EPHB2: variants seen among roughly 807,000 people sequenced by gnomAD.
EPHB2 encodes ephrin type-B receptor 2.
In EPHB2, 18 loss-of-function variants were observed where a neutral mutation model predicts 96.4. That is an observed-to-expected ratio of 0.19 (90% confidence interval 0.13 to 0.28). EPHB2 has a LOEUF of 0.28. Among genes scored for constraint, EPHB2 ranks in the 10% least tolerant of loss-of-function variants. EPHB2 has a pLI of 1.00. For synonymous variants in EPHB2, 506 were observed against 534.1 expected, an observed-to-expected ratio of 0.95 and a Z score of 0.72; for missense variants, 989 against 1,355.4, an observed-to-expected ratio of 0.73 and a Z score of 4.25.
intron 6 of EPHB2, among the ~76,000 whole-genome samples, chr1:22,887,407 A>G (rs1023414423): frequency 6.6e-6 from 1 of 152,144 alleles, no homozygotes; most frequent in Non-Finnish European, 1.5e-5. Flanking sequence ...CTTCCTAGGA[A>G]GGGAAGTCAG....
intron 1 of EPHB2, among the ~76,000 whole-genome samples, chr1:22,761,758 C>T (rs552124163): frequency 2.0e-5 from 3 of 152,210 alleles, no homozygotes; most frequent in Non-Finnish European, 2.9e-5. Flanking sequence ...GAAGCCTCCT[C>T]CCCGGCTCAT....
chr1:22,840,867 C>A (rs1645457335), intron 3 of EPHB2, among the ~76,000 whole-genome samples: 1 of 152,186 alleles, frequency 6.6e-6, no homozygotes. Flanking sequence ...CCCACAACAA[C>A]CCCCTGTGTT....
chr1:22,910,615 C>T (rs1389831281), intron 14 of EPHB2, 40 bp downstream of exon 14: 1 of 1,608,588 alleles, frequency 6.2e-7, no homozygotes, highest in Admixed American at 1.7e-5. Context: ...CAGGCCCTGC[C>T]CCTCTTCCCG....
chr1:22,840,943 C>G lies in EPHB2; in HGVS notation c.812-22094C>G, dbSNP rs79546409. On this transcript the variant is annotated intron_variant, in intron 3 of 15. Transcript: ENST00000374630. ...AGGCACAGAAAGATACCCAAAGTCT[C>G]ACAGCCAGGAAGTGGTCTGACTCCC... is the stretch of plus-strand genomic sequence containing the variant. Among the ~76,000 whole-genome samples, 381 of 152,324 alleles carry G rather than the reference C, an allele frequency of 2.5e-3. 1 individual carries two copies. The highest frequency in any genetic ancestry group is 0.01 in the Middle Eastern group (3 of 294).
intron 8 of EPHB2, 33 bp from the exon 9 acceptor site, chr1:22,896,381 G>C (rs779538338): frequency 1.9e-6 from 3 of 1,613,874 alleles, no homozygotes; most frequent in Non-Finnish European, 2.5e-6. Flanking sequence ...GGCGCCTTCA[G>C]GTGGCTCCAG....
chr1:22,881,808 G>A (rs1385888342), intron 5 of EPHB2, among the ~76,000 whole-genome samples: 1 of 152,074 alleles, frequency 6.6e-6, no homozygotes, highest in African/African-American at 2.4e-5. Flanking sequence ...GGCAAGGCTG[G>A]TCTTGAACTC....
chr1:22,741,089 CGTTTTCCTAT>C (rs1365047495), intron 1 of EPHB2, among the ~76,000 whole-genome samples: 1 of 152,072 alleles, frequency 6.6e-6, no homozygotes, highest in Non-Finnish European at 1.5e-5. Context: ...ATGCAGGTCC[CGTTTTCCTAT>C]GGGGCACTGG....
At chr1:22,759,838 C>G (rs1250231501) in intron 1 of EPHB2, among the ~76,000 whole-genome samples, 1 of 152,178 alleles carries the variant, frequency 6.6e-6, no homozygotes, top group African/African-American at 2.4e-5. Flanking sequence ...TGGAGGGATT[C>G]TCTCACCACA....
chr1:22,777,860 C>T (rs913275635), intron 1 of EPHB2, among the ~76,000 whole-genome samples: 3 of 152,158 alleles, frequency 2.0e-5, no homozygotes, highest in African/African-American at 2.4e-5. Context: ...GCACTGCACA[C>T]CATCTAAAAA....
At chr1:22,759,530 A>G (rs1644205616) in intron 1 of EPHB2, among the ~76,000 whole-genome samples, 2 of 152,058 alleles carry the variant, frequency 1.3e-5, no homozygotes, top group Admixed American at 1.3e-4. Flanking sequence ...GTAGGCCCTC[A>G]GGGAGGCTCT....
At chr1:22,828,549 T>C (rs1470088422) in intron 3 of EPHB2, among the ~76,000 whole-genome samples, 1 of 152,002 alleles carries the variant, frequency 6.6e-6, no homozygotes, top group Non-Finnish European at 1.5e-5. Context: ...TGAACACTGA[T>C]AGAACGGTCA....
intron 3 of EPHB2, among the ~76,000 whole-genome samples, chr1:22,856,570 G>A (rs2148515180): frequency 6.6e-6 from 1 of 152,290 alleles, no homozygotes; most frequent in South Asian, 2.1e-4. Flanking sequence ...TAATTTCTGG[G>A]ACCAGTAGTA....
intron 3 of EPHB2, among the ~76,000 whole-genome samples, chr1:22,850,907 G>A (rs1267082468): frequency 6.6e-6 from 1 of 152,210 alleles, no homozygotes; most frequent in Non-Finnish European, 1.5e-5. Context: ...AGCTGGAGTG[G>A]GCAAGAGGCC....
rs1233632131 is a variant in EPHB2 at position 22,906,024 on chromosome 1, C to T, written c.1803C>T (p.Thr601=). 11 of 1,614,118 alleles carry T rather than the reference C, an allele frequency of 6.8e-6. No homozygotes were observed. The highest frequency in any genetic ancestry group is 9.3e-6 in the Non-Finnish European group (11 of 1,180,060). ...TGAAGATCTACATCGATCCTTTCACCTACGAGGACCCCAACGAGGCAGTGC... is the reference window on the plus strand; with the variant it reads ...TGAAGATCTACATCGATCCTTTCACTTACGAGGACCCCAACGAGGCAGTGC... The part of the protein sequence containing the change: ...PGMKIYIDPF[T]YEDPNEAVRE... The change falls in exon 10 of 16, where the codon ACC becomes ACT. Residue 601 remains threonine, a synonymous_variant. Transcript: ENST00000374630. The surrounding 1 kb of genome is among the most constrained non-coding windows in gnomAD (Gnocchi z 4.8).
At chr1:22,769,132 A>G (rs1230027029) in intron 1 of EPHB2, among the ~76,000 whole-genome samples, 1 of 152,188 alleles carries the variant, frequency 6.6e-6, no homozygotes, top group Non-Finnish European at 1.5e-5. Context: ...AGCCATGTCC[A>G]TATCCATAAT....
chr1:22,765,378 C>T (rs142315752), intron 1 of EPHB2, among the ~76,000 whole-genome samples: 6,777 of 152,052 alleles, frequency 0.045, 227 homozygotes, highest in Admixed American at 0.083. Flanking sequence ...GAAACCCCAT[C>T]TGTACCAAAA....
At chr1:22,798,330 C>G (rs1001408424) in intron 3 of EPHB2, among the ~76,000 whole-genome samples, 1 of 152,178 alleles carries the variant, frequency 6.6e-6, no homozygotes, top group African/African-American at 2.4e-5. Flanking sequence ...CCCCACAGGT[C>G]TGTCTGTGGC....
At position 22,766,810 on chromosome 1, in the gene EPHB2, G is replaced by A. The variant is rs536326253; in HGVS notation, c.62-14611G>A. 2.6e-5 allele frequency among the ~76,000 whole-genome samples: 4 copies of A among 152,340 alleles called. 1 individual carries two copies. Among genetic ancestry groups the A allele is most frequent in the African/African-American group, 9.6e-5 (4 of 41,578 alleles). On this transcript the variant is annotated intron_variant, in intron 1 of 15. Coordinates refer to ENST00000374630, the MANE Select transcript of EPHB2 (RefSeq NM_017449.5). ...CTGAGCCTGCTCCCAGCATCAGTAG[G>A]TCTGACTGGGCTGCCCCAGGCTGCT...
intron 1 of EPHB2, among the ~76,000 whole-genome samples, chr1:22,754,853 C>CAGAGA: frequency 1.0e-5 from 1 of 96,424 alleles, no homozygotes; most frequent in South Asian, 4.0e-4. Flanking sequence ...AGGTGAGGGA[C>CAGAGA]AGGTGAGGTG....
Sources: allele counts gnomAD v4.1 joint callset (sites outside exome capture counted in the v4.1 genomes callset), GRCh38; gene constraint gnomAD v4.1.1; non-coding constraint Gnocchi (gnomAD v3.1); transcripts MANE v1.5; gene names NCBI Gene and HGNC (gene_info 2026-07-23, HGNC 2026-07-21).